KBTBD2: variants seen among roughly 807,000 people sequenced by gnomAD.
KBTBD2 encodes the protein kelch repeat and BTB domain containing 2, also known as kelch repeat and BTB domain-containing protein 2.
KBTBD2 carries 17 observed loss-of-function variants against 57.1 expected under a neutral mutation model. That is an observed-to-expected ratio of 0.30 (90% confidence interval 0.20 to 0.45). KBTBD2 has a LOEUF of 0.45. Among genes scored for constraint, KBTBD2 ranks in the 20% least tolerant of loss-of-function variants. The pLI is 1.00. For missense variants in KBTBD2, 515 were observed against 750.6 expected (o/e 0.69, Z 3.67); for synonymous variants, 267 against 262.7 (o/e 1.02, Z -0.16).
chr7:32,886,075 A>T (rs1784574475), intron 1 of KBTBD2, among the ~76,000 whole-genome samples: 1 of 151,794 alleles, frequency 6.6e-6, no homozygotes. Flanking sequence ...TGTCCGGCTA[A>T]TTTTTCACAT....
intron 3 of KBTBD2, among the ~76,000 whole-genome samples, chr7:32,871,265 T>C (rs572190481): frequency 2.8e-4 from 42 of 151,152 alleles, no homozygotes; most frequent in Middle Eastern, 3.5e-3. Flanking sequence ...GAGAAAATTA[T>C]TGTTGTTGAA....
At chr7:32,882,611 A>C (rs928049003) in intron 1 of KBTBD2, among the ~76,000 whole-genome samples, 4 of 152,230 alleles carry the variant, frequency 2.6e-5, no homozygotes, top group Non-Finnish European at 5.9e-5. Context: ...GAGGCAGCCT[A>C]CGTAAAAGTT....
intron 3 of KBTBD2, among the ~76,000 whole-genome samples, chr7:32,872,126 G>C (rs1057311791): frequency 4.6e-5 from 7 of 152,122 alleles, no homozygotes; most frequent in African/African-American, 7.2e-5. Flanking sequence ...CTTGAGCCCA[G>C]CAATTTGAGA....
intron 1 of KBTBD2, among the ~76,000 whole-genome samples, chr7:32,887,343 TAAC>T (rs1784605188): frequency 6.6e-6 from 1 of 152,194 alleles, no homozygotes; most frequent in Non-Finnish European, 1.5e-5. Flanking sequence ...TGATCGCAGT[TAAC>T]AATAATATAC....
chr7:32,881,931 T>C (rs1784454335), intron 1 of KBTBD2, among the ~76,000 whole-genome samples: 3 of 152,248 alleles, frequency 2.0e-5, no homozygotes, highest in African/African-American at 4.8e-5. Flanking sequence ...GTACCCTACA[T>C]TATGAAATCC....
At position 32,869,900 on chromosome 7, in the gene KBTBD2, C is replaced by G. The variant is rs1268727044; in HGVS notation, c.1317G>C (p.Met439Ile). 1.2e-6 allele frequency: 2 copies of G among 1,613,882 alleles called. No individual in the cohort carries two copies. Among genetic ancestry groups the G allele is most frequent in the Admixed American group, 1.7e-5 (1 of 60,008 alleles). ...DCIYVMTLNLMYCYFPRSDSW... is the reference protein window; with the variant it reads ...DCIYVMTLNLIYCYFPRSDSW... The stretch of plus-strand genomic sequence containing the variant: ...AGTCAGACCTTGGAAAATAACAGTA[C>G]ATGAGGTTCAGTGTCATCACATAAA... The change falls in exon 4 of 4, where the codon ATG (methionine) becomes ATC (isoleucine). Residue 439 changes from methionine (M) to isoleucine (I), a missense_variant. By Grantham distance (10) the Met-to-Ile change is conservative (BLOSUM62 1). Coordinates refer to ENST00000304056, the MANE Select transcript of KBTBD2 (RefSeq NM_015483.3).
intron 1 of KBTBD2, among the ~76,000 whole-genome samples, chr7:32,885,282 C>T (rs1784549204): frequency 6.6e-6 from 1 of 151,766 alleles, no homozygotes. Context: ...AGGAAAAGCA[C>T]AAACTTTAAA....
chr7:32,887,398 AC>A (rs1298302261), intron 1 of KBTBD2, among the ~76,000 whole-genome samples: 1 of 152,096 alleles, frequency 6.6e-6, no homozygotes, highest in Non-Finnish European at 1.5e-5. Flanking sequence ...TGTTCTCACC[AC>A]AAAAAAAATA....
At chr7:32,887,656 C>T (rs746727828) in intron 1 of KBTBD2, among the ~76,000 whole-genome samples, 4 of 152,170 alleles carry the variant, frequency 2.6e-5, no homozygotes, top group Non-Finnish European at 4.4e-5. Context: ...GCTGCATCTC[C>T]CAATGCTACA....
chr7:32,886,396 T>C (rs745491049), intron 1 of KBTBD2, among the ~76,000 whole-genome samples: 1 of 152,240 alleles, frequency 6.6e-6, no homozygotes, highest in African/African-American at 2.4e-5. Context: ...TTTTGAAACA[T>C]TGTTACTAAA....
chr7:32,889,896 ACATT>A (rs1447360308), intron 1 of KBTBD2, among the ~76,000 whole-genome samples: 2 of 152,252 alleles, frequency 1.3e-5, no homozygotes, highest in Non-Finnish European at 2.9e-5. Flanking sequence ...TTCACCTTGC[ACATT>A]CAATGTTCAA....
At chr7:32,885,443 T>C (rs1784553777) in intron 1 of KBTBD2, among the ~76,000 whole-genome samples, 2 of 149,380 alleles carry the variant, frequency 1.3e-5, no homozygotes, top group Admixed American at 6.7e-5. Context: ...AACATGTTCT[T>C]ATCTAGTGTG....
intron 1 of KBTBD2, among the ~76,000 whole-genome samples, chr7:32,881,100 CAAA>C (rs10617384): frequency 1.8e-4 from 23 of 125,704 alleles, no homozygotes; most frequent in Admixed American, 2.5e-4. Context: ...GACACCGTCT[CAAA>C]AAAAAAAAAA....
At chr7:32,871,331 T>A (rs1034703939) in intron 3 of KBTBD2, among the ~76,000 whole-genome samples, 1 of 152,226 alleles carries the variant, frequency 6.6e-6, no homozygotes, top group Non-Finnish European at 1.5e-5. Context: ...CAGAAAATCA[T>A]GCACAATGAG....
chr7:32,875,097 G>A lies in KBTBD2; in HGVS notation c.231C>T (p.Val77=), dbSNP rs775269864. 3.1e-6 allele frequency: 5 copies of A among 1,613,958 alleles called. No individual in the cohort carries two copies. In the South Asian group the frequency reaches 3.3e-5, roughly 11 times the overall value. Residue 77 remains valine (V), a synonymous_variant, in exon 3 of 4, where the codon GTC becomes GTT. Coordinates refer to ENST00000304056, the MANE Select transcript of KBTBD2 (RefSeq NM_015483.3). ...TTATTATCTGTAAGGTGGCAGCATC[G>A]ACATTCCTCAGGTGTACATGGGTTT... is the stretch of plus-strand genomic sequence containing the variant. ...SKQTHVHLRN[V]DAATLQIIIT... is the part of the protein sequence containing the mutation.
rs372734831 is a variant in KBTBD2, at chr7:32,875,162, A to G, written c.171-5T>C. ...AGTCCACTCATAAACATGGCCCTAC[A>G]GGGGAGATGAAGAAAACAAAGTTGT... On this transcript the variant is annotated splice_polypyrimidine_tract_variant and splice_region_variant and intron_variant, in intron 2 of 3. Transcript: ENST00000304056. The G allele has an allele frequency of 9.3e-6, 15 of 1,611,960 alleles. No individual in the cohort carries two copies. In the Admixed American group the frequency reaches 2.0e-4, roughly 22 times the overall value.
intron 1 of KBTBD2, among the ~76,000 whole-genome samples, chr7:32,886,886 T>G (rs1170651829): frequency 6.6e-6 from 1 of 152,024 alleles, no homozygotes; most frequent in East Asian, 1.9e-4. Flanking sequence ...ATTAAAAGTA[T>G]GAAATGTTGA....
At chr7:32,881,417 T>G (rs1239224302) in intron 1 of KBTBD2, among the ~76,000 whole-genome samples, 1 of 152,180 alleles carries the variant, frequency 6.6e-6, no homozygotes, top group African/African-American at 2.4e-5. Flanking sequence ...CACCAACTGT[T>G]AAGATGACCA....
intron 1 of KBTBD2, among the ~76,000 whole-genome samples, chr7:32,881,547 G>C (rs1399350025): frequency 1.3e-5 from 2 of 152,108 alleles, no homozygotes; most frequent in African/African-American, 4.8e-5. Flanking sequence ...TACTATTACA[G>C]TAACTGCTAA....
Sources: gnomAD v4.1 joint callset for allele counts (sites outside exome capture counted in the v4.1 genomes callset) on GRCh38, gnomAD v4.1.1 for gene constraint, MANE v1.5 for transcripts, NCBI Gene and HGNC (gene_info 2026-07-23, HGNC 2026-07-21) for gene names.